Variants in FAM72A observed in about 807,000 individuals in gnomAD.
The protein encoded by FAM72A is regulator of UNG2 and MKLN1 interacting yippee protein 1.
A neutral mutation model predicts 11.3 loss-of-function variants in FAM72A; 1 was observed. The observed-to-expected ratio is 0.09, with a 90% CI of 0.03 to 0.42. FAM72A has a LOEUF of 0.42. FAM72A is among the 10% of genes least tolerant of loss of function. The pLI is 0.98. For synonymous variants in FAM72A, 5 were observed against 46.9 expected (o/e 0.11, Z 3.65); for missense variants, 15 against 135.5 (o/e 0.11, Z 4.41).
upstream of FAM72A, chr1:206,204,102 G>GC: frequency 3.6e-6 from 2 of 560,320 alleles, no homozygotes; most frequent in Non-Finnish European, 6.2e-6. Flanking sequence ...AGCTTCCGGG[G>GC]CTCTCCCCGA....
chr1:206,198,600 G>A (rs1165452039), intron 2 of FAM72A, among the ~76,000 whole-genome samples: 2 of 150,788 alleles, frequency 1.3e-5, no homozygotes, highest in Non-Finnish European at 3.0e-5. Flanking sequence ...ATCTAAATGA[G>A]AAAATTTCAA....
chr1:206,203,599 C>G (rs1490777625), upstream of FAM72A: 4 of 596,252 alleles, frequency 6.7e-6, no homozygotes, highest in Non-Finnish European at 1.2e-5. Flanking sequence ...GGGAGGAGAG[C>G]TCTGAGTGGG....
At chr1:206,191,721 A>AT (rs1268885347) in intron 3 of FAM72A, among the ~76,000 whole-genome samples, 2,348 of 98,644 alleles carry the variant, frequency 0.024, 176 homozygotes, top group African/African-American at 0.093. Context: ...TTACTAAAAT[A>AT]TTATTTTTTT....
chr1:206,191,721 A>ATTTTTTTTTTTTTTTTTTTTTTTT (rs1268885347), intron 3 of FAM72A, among the ~76,000 whole-genome samples: 1 of 98,802 alleles, frequency 1.0e-5, no homozygotes, highest in Non-Finnish European at 1.9e-5. Flanking sequence ...TTACTAAAAT[A>ATTTTTTTTTTTTTTTTTTTTTTTT]TTATTTTTTT....
chr1:206,199,032 A>C (rs1189384352), intron 2 of FAM72A, among the ~76,000 whole-genome samples: 3 of 148,164 alleles, frequency 2.0e-5, no homozygotes, highest in African/African-American at 7.5e-5. Flanking sequence ...TGGTGAGCTT[A>C]GATCGCGCCA....
intron 3 of FAM72A, among the ~76,000 whole-genome samples, chr1:206,193,009 G>A (rs1321092486): frequency 6.6e-6 from 1 of 151,248 alleles, no homozygotes; most frequent in Non-Finnish European, 1.5e-5. Flanking sequence ...CGCCTCCCGG[G>A]TTCAAGCCAT....
chr1:206,193,925 CAT>C (rs1664929680), intron 3 of FAM72A, among the ~76,000 whole-genome samples: 1 of 146,858 alleles, frequency 6.8e-6, no homozygotes, highest in African/African-American at 2.5e-5. Flanking sequence ...CTTAACATAA[CAT>C]CTATTTGGCA....
intron 2 of FAM72A, among the ~76,000 whole-genome samples, chr1:206,198,658 T>G (rs1326472852): frequency 6.6e-6 from 1 of 151,792 alleles, no homozygotes; most frequent in African/African-American, 2.4e-5. Flanking sequence ...CTCAAAAGAT[T>G]ATAGTAATAG....
chr1:206,187,559 T>C (rs1664594865), intron 3 of FAM72A, among the ~76,000 whole-genome samples, 186 bp from the exon 4 acceptor site: 1 of 151,938 alleles, frequency 6.6e-6, no homozygotes, highest in Non-Finnish European at 1.5e-5. Context: ...ATAAACTTTA[T>C]TTATTTATTT....
intron 3 of FAM72A, among the ~76,000 whole-genome samples, chr1:206,192,915 T>C (rs1277342750): frequency 1.1e-4 from 16 of 151,876 alleles, no homozygotes; most frequent in African/African-American, 3.6e-4. Flanking sequence ...TTCTTTTCTT[T>C]TCTTTTTTTT....
At chr1:206,193,484 C>T (rs1157164420) in intron 3 of FAM72A, among the ~76,000 whole-genome samples, 1 of 152,192 alleles carries the variant, frequency 6.6e-6, no homozygotes, top group African/African-American at 2.4e-5. Flanking sequence ...TGAACCACTG[C>T]GTCCGGCAGA....
chr1:206,203,187 T>C (rs1452968151), upstream of FAM72A: 5 of 286,186 alleles, frequency 1.7e-5, no homozygotes, highest in Non-Finnish European at 2.6e-5. Context: ...TCCACCGGTC[T>C]CTACTCTTTA....
chr1:206,194,416 A>T (rs565838500), intron 3 of FAM72A, among the ~76,000 whole-genome samples: 1,793 of 152,204 alleles, frequency 0.012, 30 homozygotes, highest in African/African-American at 0.039. Context: ...ATAGTTGGTA[A>T]AGTAGTAGCA....
At chr1:206,198,650 CAA>C (rs1665198995) in intron 2 of FAM72A, among the ~76,000 whole-genome samples, 1 of 151,720 alleles carries the variant, frequency 6.6e-6, no homozygotes, top group African/African-American at 2.4e-5. Flanking sequence ...CACGTCTACT[CAA>C]AAGATTATAG....
intron 3 of FAM72A, among the ~76,000 whole-genome samples, chr1:206,194,504 C>T (rs1250879998): frequency 6.6e-6 from 1 of 151,834 alleles, no homozygotes; most frequent in African/African-American, 2.4e-5. Flanking sequence ...TCACATGCTA[C>T]AGAGAAATCT....
At chr1:206,191,627 AG>A (rs1434467286) in intron 3 of FAM72A, among the ~76,000 whole-genome samples, 3 of 148,410 alleles carry the variant, frequency 2.0e-5, no homozygotes, top group Admixed American at 6.7e-5. Context: ...AAAAAAAAAA[AG>A]AATTAGTATT....
rs782411264 is a variant in FAM72A at position 206,187,402 on chromosome 1, A to G, written c.356-29T>C. On this transcript the variant is annotated intron_variant, in intron 3 of 3. Transcript: ENST00000367128. ...AAAATAAAAAGTCATAAAATTCTTT[A>G]ATGCTTACTACTGTTATAACTCAGA... The G allele has an allele frequency of 1.1e-5, 18 of 1,609,118 alleles. 1 individual carries two copies. The South Asian group carries it at 1.9e-4, about 17-fold the overall frequency.
chr1:206,191,796 C>T (rs1294261365), intron 3 of FAM72A, among the ~76,000 whole-genome samples: 1 of 145,066 alleles, frequency 6.9e-6, no homozygotes, highest in Non-Finnish European at 1.5e-5. Context: ...GGTGCCACCT[C>T]GGCTTACTGC....
At chr1:206,197,942 C>T (rs1240757673) in intron 2 of FAM72A, among the ~76,000 whole-genome samples, 4 of 146,508 alleles carry the variant, frequency 2.7e-5, no homozygotes, top group African/African-American at 7.5e-5. Context: ...TGTCGTTGCC[C>T]AGGTGCGGTG....
Sources: gnomAD v4.1 joint callset for allele counts (sites outside exome capture counted in the v4.1 genomes callset) on GRCh38, gnomAD v4.1.1 for gene constraint, MANE v1.5 for transcripts, NCBI Gene and HGNC (gene_info 2026-07-23, HGNC 2026-07-21) for gene names.